The following SPTBN1 variants were observed in gnomAD, a reference collection of about 807,000 sequenced individuals.
SPTBN1 encodes the protein spectrin beta chain, non-erythrocytic 1.
Under a neutral mutation model 266.4 loss-of-function variants are expected in SPTBN1, and 32 were observed. The observed-to-expected ratio is 0.12, with a 90% CI of 0.09 to 0.16. The LOEUF (loss-of-function observed/expected upper bound fraction) is 0.16. Among genes scored for constraint, SPTBN1 ranks in the 10% least tolerant of loss-of-function variants. The pLI, the probability that SPTBN1 is intolerant of heterozygous loss-of-function variation, is 1.00. For missense variants in SPTBN1, 2,296 were observed against 3,067.1 expected, an observed-to-expected ratio of 0.75 and a Z score of 5.94; for synonymous variants, 1,336 against 1,162.2, an observed-to-expected ratio of 1.15 and a Z score of -3.04.
At chr2:54,572,425 G>C (rs754863551) in intron 2 of SPTBN1, among the ~76,000 whole-genome samples, 1 of 152,074 alleles carries the variant, frequency 6.6e-6, no homozygotes, top group African/African-American at 2.4e-5. Context: ...TTCTAACCGC[G>C]AGTGTCTTTG....
intron 2 of SPTBN1, among the ~76,000 whole-genome samples, chr2:54,547,670 G>A (rs1211787923): frequency 1.3e-5 from 2 of 152,154 alleles, no homozygotes; most frequent in South Asian, 4.1e-4. Flanking sequence ...GCACCAACGT[G>A]GTCTCAAATT....
intron 16 of SPTBN1, 139 bp from the exon 17 acceptor site, chr2:54,632,427 T>C: frequency 1.0e-6 from 1 of 981,274 alleles, no homozygotes; most frequent in Non-Finnish European, 1.5e-6. Context: ...TCCTCCTAAC[T>C]TTTAATTTGA....
rs1450980464 is a variant in SPTBN1, at chr2:54,540,296, T to C, written c.148+13730T>C. ...TTAATCTTTCTCCTACCAGAATATT[T>C]GTCTTAGATTTTCATTCTGGCAGTG... On this transcript the variant is annotated intron_variant, in intron 2 of 35. Transcript: ENST00000356805. This position sits in a 1 kb window ranked among gnomAD's most constrained non-coding sequence, Gnocchi z 5.6. Among the ~76,000 whole-genome samples, 1 of 152,180 alleles carries C rather than the reference T, an allele frequency of 6.6e-6. No individual in the cohort carries two copies. Among genetic ancestry groups the C allele is most frequent in the African/African-American group, 2.4e-5 (1 of 41,450 alleles).
chr2:54,661,395 C>A, intron 32 of SPTBN1: 1 of 985,806 alleles, frequency 1.0e-6, no homozygotes, highest in Non-Finnish European at 1.2e-6. Flanking sequence ...TATGTGTTCT[C>A]TATGAGTTAA....
intron 1 of SPTBN1, among the ~76,000 whole-genome samples, chr2:54,478,122 G>A (rs1039481378): frequency 3.9e-5 from 6 of 152,156 alleles, no homozygotes; most frequent in African/African-American, 1.4e-4. Flanking sequence ...CAGGCTTAAT[G>A]TATCCAGGGA....
chr2:54,584,766 T>C (rs892026013), intron 2 of SPTBN1, among the ~76,000 whole-genome samples: 2 of 152,170 alleles, frequency 1.3e-5, no homozygotes, highest in African/African-American at 4.8e-5. Flanking sequence ...AGAAGCTTCC[T>C]AGGCTATGTC....
At chr2:54,517,644 CT>C (rs527318328) in intron 1 of SPTBN1, among the ~76,000 whole-genome samples, 254 of 140,572 alleles carry the variant, frequency 1.8e-3, no homozygotes, top group Middle Eastern at 3.7e-3. Context: ...TCTATGGTGC[CT>C]TTTTTTTTTT....
intron 1 of SPTBN1, among the ~76,000 whole-genome samples, chr2:54,468,301 A>C (rs1008449073): frequency 6.6e-6 from 1 of 150,878 alleles, no homozygotes; most frequent in African/African-American, 2.5e-5. Context: ...AGTGAGACTC[A>C]GTCTCAAAAA....
rs1471726708 is a variant in SPTBN1 at position 54,668,667 on chromosome 2, C to G, written c.*98C>G. 8 of 1,170,416 alleles carry G rather than the reference C, an allele frequency of 6.8e-6. No individual in the cohort carries two copies. Among genetic ancestry groups the G allele is most frequent in the Non-Finnish European group, 9.5e-6 (8 of 839,648 alleles). 72.5% of individuals were successfully genotyped at this position (1,170,416 alleles called of 1,614,324 possible). On this transcript the variant is annotated 3_prime_UTR_variant, in exon 36 of 36. Coordinates refer to ENST00000356805, the MANE Select transcript of SPTBN1 (RefSeq NM_003128.3). The stretch of plus-strand genomic sequence containing the variant: ...ACATTACTCTCTGTGCCTAATGTTC[C>G]TCAATGTGGTTGATTTTTTTTTTTT...
chr2:54,630,701 C>T (rs1371154677), intron 15 of SPTBN1, among the ~76,000 whole-genome samples, 154 bp from the exon 16 acceptor site: 1 of 152,166 alleles, frequency 6.6e-6, no homozygotes, highest in South Asian at 2.1e-4. Context: ...TTGGTGTTCA[C>T]AGTTTGAGTG....
chr2:54,665,868 G>A (rs1681333647), intron 33 of SPTBN1, 47 bp from the exon 34 acceptor site: 4 of 1,566,460 alleles, frequency 2.6e-6, no homozygotes, highest in African/African-American at 1.4e-5. Flanking sequence ...TAAGGGGAAT[G>A]TGGTAGAGCC....
intron 2 of SPTBN1, among the ~76,000 whole-genome samples, chr2:54,574,178 T>TA (rs1674295963): frequency 6.6e-6 from 1 of 152,028 alleles, no homozygotes; most frequent in Non-Finnish European, 1.5e-5. Flanking sequence ...ATTTATGACA[T>TA]ACATTATCTA....
At chr2:54,604,316 TA>T (rs963464589) in intron 3 of SPTBN1, among the ~76,000 whole-genome samples, 11 of 151,772 alleles carry the variant, frequency 7.2e-5, no homozygotes, top group African/African-American at 2.4e-4. Context: ...TCCTCTCCTA[TA>T]AAAAAAAGAG....
chr2:54,598,343 A>T (rs1209391349), intron 2 of SPTBN1, among the ~76,000 whole-genome samples: 5 of 152,196 alleles, frequency 3.3e-5, no homozygotes, highest in Non-Finnish European at 4.4e-5. Flanking sequence ...AGAAGAGAAC[A>T]TTGAATCCTG....
intron 2 of SPTBN1, among the ~76,000 whole-genome samples, chr2:54,582,781 T>C (rs750979981): frequency 7.2e-5 from 11 of 152,160 alleles, no homozygotes; most frequent in Non-Finnish European, 1.5e-4. Context: ...TCCTTGCTAA[T>C]GTAGAACTCT....
At chr2:54,583,077 C>T (rs1046643954) in intron 2 of SPTBN1, among the ~76,000 whole-genome samples, 1 of 151,996 alleles carries the variant, frequency 6.6e-6, no homozygotes. Context: ...GAGCCCTTCC[C>T]ACTTGCGTAG....
At chr2:54,655,800 C>T in intron 28 of SPTBN1, 114 bp from the exon 29 acceptor site, 1 of 729,164 alleles carries the variant, frequency 1.4e-6, no homozygotes, top group Non-Finnish European at 2.3e-6. Context: ...TTAGATATCT[C>T]CCAGCTTAAT....
At chr2:54,456,771 T>A (rs1693054157) in intron 1 of SPTBN1, among the ~76,000 whole-genome samples, 1 of 150,368 alleles carries the variant, frequency 6.7e-6, no homozygotes, top group Non-Finnish European at 1.5e-5. Context: ...CGGCAGGCTC[T>A]GCGGTGAGGC....
intron 1 of SPTBN1, among the ~76,000 whole-genome samples, chr2:54,511,964 G>T (rs1669877633): frequency 6.6e-6 from 1 of 152,168 alleles, no homozygotes; most frequent in Admixed American, 6.5e-5. Flanking sequence ...TGGTCCATCG[G>T]CAGGGGTGAT....
Sources: gnomAD v4.1 joint callset for allele counts (sites outside exome capture counted in the v4.1 genomes callset) on GRCh38, gnomAD v4.1.1 for gene constraint, Gnocchi (gnomAD v3.1) non-coding constraint, MANE v1.5 for transcripts, NCBI Gene and HGNC (gene_info 2026-07-23, HGNC 2026-07-21) for gene names.